The following CHD7 variants were observed in gnomAD, a reference collection of about 807,000 sequenced individuals.
CHD7 encodes chromodomain helicase DNA binding protein 7, also known as ATP-dependent chromatin remodeler CHD7.
Under a neutral mutation model 307.3 loss-of-function variants are expected in CHD7, and 24 were observed. The ratio of observed to expected loss-of-function variants is 0.08; its 90% CI spans 0.06 to 0.11. CHD7 has a LOEUF of 0.11. CHD7 is among the 10% of genes least tolerant of loss of function. The probability of loss-of-function intolerance (pLI) is 1.00; values close to 1 mark genes in which losing one functional copy is unlikely to be tolerated. For missense variants in CHD7, 3,106 were observed against 3,727.1 expected (o/e 0.83, Z 4.34); for synonymous variants, 1,363 against 1,349.9 (o/e 1.01, Z -0.21).
chr8:60,852,566 T>C lies in CHD7; in HGVS notation c.5963T>C (p.Val1988Ala), dbSNP rs1805501956. ...ACCTTTGGGGTTATTTTTGACCCTG[T>C]GAAACAGCAATTTGACTGGAACCAA... Reference protein sequence around the residue: ...VSTFGVIFDPVKQQFDWNQFR... With the variant: ...VSTFGVIFDPAKQQFDWNQFR... The change falls in exon 30 of 38, where the codon GTG (valine) becomes GCG (alanine). Residue 1988 changes from valine (V) to alanine (A), a missense_variant. By Grantham distance (64) the Val-to-Ala change is moderately conservative. Coordinates refer to ENST00000423902, the MANE Select transcript of CHD7 (RefSeq NM_017780.4). 5.0e-6 allele frequency: 8 copies of C among 1,613,858 alleles called. No homozygotes were observed. The highest frequency in any genetic ancestry group is 6.8e-6 in the Non-Finnish European group (8 of 1,179,874).
intron 17 of CHD7, among the ~76,000 whole-genome samples, 153 bp from the exon 18 acceptor site, chr8:60,837,515 C>T (rs573037773): frequency 3.3e-5 from 5 of 152,256 alleles, no homozygotes; most frequent in East Asian, 1.9e-4. Context: ...TAATCCTGTT[C>T]GTGAGGACTC....
intron 4 of CHD7, among the ~76,000 whole-genome samples, chr8:60,798,306 C>G (rs1424394239): frequency 6.6e-6 from 1 of 152,204 alleles, no homozygotes; most frequent in Non-Finnish European, 1.5e-5. Flanking sequence ...ACTACTCCCT[C>G]CATGTAAGCC....
intron 2 of CHD7, among the ~76,000 whole-genome samples, chr8:60,775,948 C>T (rs972213644): frequency 5.3e-5 from 8 of 152,044 alleles, no homozygotes; most frequent in African/African-American, 7.3e-5. Flanking sequence ...TTAGTACAGA[C>T]GGGGTGTCAC....
At chr8:60,687,604 T>C (rs1345585314) in intron 1 of CHD7, among the ~76,000 whole-genome samples, 1 of 152,124 alleles carries the variant, frequency 6.6e-6, no homozygotes, top group Admixed American at 6.5e-5. Flanking sequence ...GCCAATCAAG[T>C]AAAATAGTGC....
intron 6 of CHD7, 57 bp from the exon 7 acceptor site, chr8:60,808,160 T>G: frequency 8.2e-7 from 1 of 1,212,920 alleles, no homozygotes; most frequent in Non-Finnish European, 1.2e-6. Flanking sequence ...ATCATTACTT[T>G]TAAAATATTC....
chr8:60,821,630 G>A (rs1019864022), intron 9 of CHD7, among the ~76,000 whole-genome samples, 160 bp from the exon 10 acceptor site: 1 of 148,734 alleles, frequency 6.7e-6, no homozygotes, highest in East Asian at 1.9e-4. Context: ...ATATACATAT[G>A]TATATGTATA....
chr8:60,790,475 A>G (rs1811720457), intron 3 of CHD7, among the ~76,000 whole-genome samples: 2 of 152,218 alleles, frequency 1.3e-5, no homozygotes, highest in East Asian at 1.9e-4. Context: ...GTTTCACTCT[A>G]TTTTTTTGAA....
At position 60,742,327 on chromosome 8, in the gene CHD7, G is replaced by T; in HGVS notation, c.895G>T (p.Val299Phe). The change falls in exon 2 of 38, where the codon GTC becomes TTC. Residue 299 changes from valine to phenylalanine, a missense_variant. Val to Phe is a conservative substitution (Grantham distance 50, BLOSUM62 -1). This residue lies in a region of CHD7 where 998 missense variants were observed against 1,004.5 expected (regional missense o/e 0.99). Coordinates refer to ENST00000423902, the MANE Select transcript of CHD7 (RefSeq NM_017780.4). ...TLNFSSRSQT[V>F]PSPTINNSGQ... ...TAACTTTAGTTCTCGGAGCCAGACA[G>T]TCCCCTCTCCTACTATAAACAACTC... The T allele has an allele frequency of 6.2e-7, 1 of 1,613,930 alleles. No individual in the cohort carries two copies. The highest frequency in any genetic ancestry group is 1.6e-4 in the Middle Eastern group (1 of 6,062).
chr8:60,832,323 C>A (rs912080700), intron 15 of CHD7, among the ~76,000 whole-genome samples: 2 of 152,142 alleles, frequency 1.3e-5, no homozygotes, highest in African/African-American at 4.8e-5. Context: ...CTGCACCTGG[C>A]CAGTGAATTT....
chr8:60,699,548 G>T (rs748455835), intron 1 of CHD7, among the ~76,000 whole-genome samples: 1 of 151,782 alleles, frequency 6.6e-6, no homozygotes, highest in Non-Finnish European at 1.5e-5. Flanking sequence ...TAAAGCCTGG[G>T]GTAGCCTGTT....
chr8:60,695,795 C>T (rs1411602676), intron 1 of CHD7, among the ~76,000 whole-genome samples: 2 of 152,076 alleles, frequency 1.3e-5, no homozygotes, highest in African/African-American at 2.4e-5. Flanking sequence ...ATATACTTCT[C>T]CTCATTAAAT....
intron 7 of CHD7, among the ~76,000 whole-genome samples, chr8:60,814,979 C>T (rs1462964165): frequency 1.3e-5 from 2 of 152,134 alleles, no homozygotes; most frequent in East Asian, 3.8e-4. Context: ...CATGTTGGTG[C>T]TCAAAAAGTT....
chr8:60,786,824 T>C (rs940162196), intron 3 of CHD7, among the ~76,000 whole-genome samples: 1 of 152,204 alleles, frequency 6.6e-6, no homozygotes, highest in Non-Finnish European at 1.5e-5. Flanking sequence ...TCTGTACAAA[T>C]GCAGTTTGCA....
At chr8:60,827,534 TGTG>T (rs1267313496) in intron 13 of CHD7, among the ~76,000 whole-genome samples, 1 of 152,070 alleles carries the variant, frequency 6.6e-6, no homozygotes, top group African/African-American at 2.4e-5. Context: ...TATCCACAAG[TGTG>T]GTGATACTTT....
At chr8:60,776,800 C>T (rs1250679359) in intron 2 of CHD7, among the ~76,000 whole-genome samples, 3 of 152,082 alleles carry the variant, frequency 2.0e-5, no homozygotes, top group Non-Finnish European at 4.4e-5. Context: ...ACTTTTCATA[C>T]CAGAATTCCT....
At chr8:60,759,486 T>TCCCTCTCC (rs1491030146) in intron 2 of CHD7, among the ~76,000 whole-genome samples, 15 of 136,352 alleles carry the variant, frequency 1.1e-4, no homozygotes, top group Middle Eastern at 3.4e-3. Context: ...TCTCCCTCTC[T>TCCCTCTCC]CCCTCTCCCT....
intron 1 of CHD7, among the ~76,000 whole-genome samples, chr8:60,682,759 TTAAC>T (rs1468200756): frequency 2.0e-5 from 3 of 152,238 alleles, no homozygotes; most frequent in South Asian, 4.1e-4. Flanking sequence ...TCATCTTTCA[TTAAC>T]TAAATACAAC....
At chr8:60,861,350 T>TA in intron 35 of CHD7, 1 of 479,774 alleles carries the variant, frequency 2.1e-6, no homozygotes, top group South Asian at 3.9e-5. Context: ...AGATGCGCGT[T>TA]ATGCATTTCC....
chr8:60,744,168 A>G (rs1347123831), intron 2 of CHD7, among the ~76,000 whole-genome samples: 2 of 152,204 alleles, frequency 1.3e-5, no homozygotes, highest in Non-Finnish European at 2.9e-5. Flanking sequence ...ATGGTTTGCT[A>G]AACAAGGGCA....
Sources: allele counts gnomAD v4.1 joint callset (sites outside exome capture counted in the v4.1 genomes callset), GRCh38; gene constraint gnomAD v4.1.1; regional missense constraint gnomAD v4.1.1; transcripts MANE v1.5; gene names NCBI Gene and HGNC (gene_info 2026-07-23, HGNC 2026-07-21).